The following ERP44 variants were observed in gnomAD, a reference collection of about 807,000 sequenced individuals.
ERP44 encodes endoplasmic reticulum resident protein 44.
A neutral mutation model predicts 53.4 loss-of-function variants in ERP44; 25 were observed. The ratio of observed to expected loss-of-function variants is 0.47; its 90% confidence interval spans 0.34 to 0.65. The LOEUF is 0.65. Among genes scored for constraint, ERP44 ranks in the 30% least tolerant of loss-of-function variants. The probability of loss-of-function intolerance (pLI) is 0.01; values close to 1 mark genes in which losing one functional copy is unlikely to be tolerated. For missense variants in ERP44, 338 were observed against 493.2 expected (o/e 0.69, Z 2.98); for synonymous variants, 145 against 161.2 (o/e 0.90, Z 0.76).
intron 2 of ERP44, among the ~76,000 whole-genome samples, chr9:100,058,234 C>G (rs1344984138): frequency 1.6e-4 from 25 of 152,100 alleles, no homozygotes; most frequent in Non-Finnish European, 1.5e-5. Flanking sequence ...CACCACCACA[C>G]CTGGCTAATT....
At chr9:100,023,504 C>T (rs1225708681) in intron 4 of ERP44, among the ~76,000 whole-genome samples, 1 of 150,790 alleles carries the variant, frequency 6.6e-6, no homozygotes, top group Non-Finnish European at 1.5e-5. Flanking sequence ...TCACAGCTCA[C>T]CACGGCCTTA....
chr9:100,092,253 C>A (rs573542657), intron 1 of ERP44, among the ~76,000 whole-genome samples: 1 of 152,314 alleles, frequency 6.6e-6, no homozygotes, highest in African/African-American at 2.4e-5. Context: ...GAGTCAATAT[C>A]AGATAAGCTG....
chr9:99,991,658 T>G (rs962083345), intron 10 of ERP44, among the ~76,000 whole-genome samples: 1 of 151,792 alleles, frequency 6.6e-6, no homozygotes, highest in Non-Finnish European at 1.5e-5. Flanking sequence ...AAGAAATAAC[T>G]AAGATCAGAG....
chr9:100,090,168 G>GA (rs1049216009), intron 1 of ERP44, among the ~76,000 whole-genome samples: 73 of 151,076 alleles, frequency 4.8e-4, no homozygotes, highest in African/African-American at 1.4e-3. Flanking sequence ...AGCAAAAAAA[G>GA]AAAAAAAAAG....
At chr9:100,079,399 A>G (rs970460698) in intron 1 of ERP44, among the ~76,000 whole-genome samples, 1 of 142,674 alleles carries the variant, frequency 7.0e-6, no homozygotes, top group African/African-American at 2.7e-5. Flanking sequence ...AATGCTCCTT[A>G]ATAAACTCCC....
intron 2 of ERP44, among the ~76,000 whole-genome samples, chr9:100,058,842 ATG>A (rs1826112995): frequency 6.6e-6 from 1 of 152,250 alleles, no homozygotes; most frequent in Admixed American, 6.5e-5. Flanking sequence ...TGAGAATGAC[ATG>A]TGAGTTTCAA....
intron 8 of ERP44, among the ~76,000 whole-genome samples, chr9:100,014,922 A>C (rs1309463944): frequency 6.6e-6 from 1 of 152,236 alleles, no homozygotes; most frequent in African/African-American, 2.4e-5. Context: ...CTGGAAATCC[A>C]AAATCAGGGT....
intron 1 of ERP44, among the ~76,000 whole-genome samples, chr9:100,071,093 G>GTT (rs34853838): frequency 0.026 from 3,054 of 119,560 alleles, 129 homozygotes; most frequent in Middle Eastern, 0.087. Flanking sequence ...ATTATATAAG[G>GTT]TTTTTTTTTT....
At position 100,063,524 on chromosome 9, in the gene ERP44, T is replaced by C. The variant is rs1459091379; in HGVS notation, c.58-3352A>G. Reference sequence around the variant, plus strand: ...CGGGAAAACATCTTCATGTGTCAAATGCTATAGTGCTTAAGTAAAATAAAG... The same window carrying C: ...CGGGAAAACATCTTCATGTGTCAAACGCTATAGTGCTTAAGTAAAATAAAG... On this transcript the variant is annotated intron_variant, in intron 1 of 11. Transcript: ENST00000262455. Among the ~76,000 whole-genome samples, 3 of 152,196 alleles carry C rather than the reference T, an allele frequency of 2.0e-5. No individual in the cohort carries two copies. In the East Asian group the frequency reaches 5.8e-4, roughly 29 times the overall value.
At chr9:100,088,045 C>G (rs1206782369) in intron 1 of ERP44, among the ~76,000 whole-genome samples, 1 of 151,402 alleles carries the variant, frequency 6.6e-6, no homozygotes, top group Non-Finnish European at 1.5e-5. Context: ...CCTCCTGTAA[C>G]AGAGAATCAA....
intron 4 of ERP44, among the ~76,000 whole-genome samples, chr9:100,026,382 G>C (rs981486944): frequency 6.6e-6 from 1 of 151,994 alleles, no homozygotes; most frequent in Admixed American, 6.6e-5. Context: ...AGAAAAACAC[G>C]AATTTTTAAG....
intron 8 of ERP44, among the ~76,000 whole-genome samples, chr9:100,008,973 G>A (rs1339645137): frequency 6.6e-6 from 1 of 151,982 alleles, no homozygotes; most frequent in Admixed American, 6.5e-5. Context: ...AAACTCCTGG[G>A]CTCAAGCAAT....
intron 4 of ERP44, among the ~76,000 whole-genome samples, chr9:100,041,626 C>T (rs1825903860): frequency 6.6e-6 from 1 of 152,058 alleles, no homozygotes; most frequent in African/African-American, 2.4e-5. Context: ...CGAGATTGCG[C>T]CACTGCACTC....
chr9:100,052,623 A>T, intron 3 of ERP44, 91 bp from the exon 4 acceptor site: 2 of 580,202 alleles, frequency 3.4e-6, no homozygotes. Context: ...TGATATAGGC[A>T]TAATAAACGA....
intron 10 of ERP44, chr9:99,998,549 G>T (rs1830340787): frequency 1.5e-5 from 11 of 725,466 alleles, no homozygotes; most frequent in Admixed American, 1.2e-4. Context: ...ACGCCTTCTG[G>T]AAAGCCAGTC....
intron 2 of ERP44, among the ~76,000 whole-genome samples, chr9:100,059,772 T>C (rs1826122547): frequency 1.3e-5 from 2 of 151,878 alleles, no homozygotes; most frequent in Admixed American, 1.3e-4. Context: ...GTGATCTAAT[T>C]AAAGGGAAAA....
intron 1 of ERP44, among the ~76,000 whole-genome samples, chr9:100,092,449 T>C (rs549928019): frequency 4.3e-4 from 65 of 152,366 alleles, no homozygotes; most frequent in African/African-American, 1.4e-3. Context: ...ATCAAATCCA[T>C]GTGCTTACGT....
rs776245989 is a variant in ERP44, at chr9:100,006,699, T to A, written c.875-52A>T. ...TAAATTCAAATTTTCTTGAAAATAT[T>A]TTTGTAAGATTGCAAGCTCACAAAA... On this transcript the variant is annotated intron_variant, in intron 9 of 11. Transcript: ENST00000262455. The A allele has an allele frequency of 1.7e-5, 22 of 1,311,586 alleles. No homozygotes were observed. In the African/African-American group the frequency reaches 2.7e-4, roughly 16 times the overall value. 81.2% of individuals were successfully genotyped at this position (1,311,586 alleles called of 1,614,324 possible).
At chr9:100,068,017 CGGGA>C (rs1354861370) in intron 1 of ERP44, among the ~76,000 whole-genome samples, 1 of 149,624 alleles carries the variant, frequency 6.7e-6, no homozygotes, top group African/African-American at 2.5e-5. Flanking sequence ...CCGCCCCGTC[CGGGA>C]GGGAGGTGGG....
Sources: allele counts gnomAD v4.1 joint callset (sites outside exome capture counted in the v4.1 genomes callset), GRCh38; gene constraint gnomAD v4.1.1; transcripts MANE v1.5; gene names NCBI Gene and HGNC (gene_info 2026-07-23, HGNC 2026-07-21).